Variants in PDSS2 observed in about 807,000 individuals in gnomAD.
PDSS2 encodes decaprenyl diphosphate synthase subunit 2.
In PDSS2, 31 loss-of-function variants were observed where a neutral mutation model predicts 44.5. The observed-to-expected ratio is 0.70, with a 90% CI of 0.52 to 0.94. The LOEUF (loss-of-function observed/expected upper bound fraction) is 0.94, where lower values mean the gene tolerates loss of function less well. Among genes scored for constraint, PDSS2 ranks in the 40% least tolerant of loss-of-function variants. The probability of loss-of-function intolerance (pLI) is 0.00; values close to 1 mark genes in which losing one functional copy is unlikely to be tolerated. For missense variants in PDSS2, 452 were observed against 482.2 expected, an observed-to-expected ratio of 0.94 and a Z score of 0.59; for synonymous variants, 157 against 180.3, an observed-to-expected ratio of 0.87 and a Z score of 1.03.
At chr6:107,390,993 C>T (rs1779761588) in intron 1 of PDSS2, among the ~76,000 whole-genome samples, 2 of 151,048 alleles carry the variant, frequency 1.3e-5, no homozygotes, top group Non-Finnish European at 2.9e-5. Context: ...ATTTCTAGCT[C>T]CATAAAATAC....
At chr6:107,455,841 G>A (rs1301301150) in intron 1 of PDSS2, among the ~76,000 whole-genome samples, 3 of 146,532 alleles carry the variant, frequency 2.0e-5, no homozygotes, top group African/African-American at 7.6e-5. Flanking sequence ...GAACTCAGAA[G>A]TTGTTTATGA....
intron 7 of PDSS2, chr6:107,192,496 G>A: frequency 2.6e-6 from 1 of 389,502 alleles, no homozygotes. Flanking sequence ...CAAGTTATTT[G>A]CTGCTCCTAG....
intron 1 of PDSS2, among the ~76,000 whole-genome samples, chr6:107,428,702 T>C (rs1174465802): frequency 6.6e-6 from 1 of 152,070 alleles, no homozygotes; most frequent in Non-Finnish European, 1.5e-5. Flanking sequence ...CTGGGTATAG[T>C]AGTGTACACC....
At chr6:107,346,809 G>T (rs1425430942) in intron 1 of PDSS2, among the ~76,000 whole-genome samples, 1 of 152,170 alleles carries the variant, frequency 6.6e-6, no homozygotes, top group African/African-American at 2.4e-5. Context: ...TAAAAACTGT[G>T]AAACATTTTA....
chr6:107,157,084 A>G (rs1328240548), intron 7 of PDSS2, among the ~76,000 whole-genome samples: 1 of 152,104 alleles, frequency 6.6e-6, no homozygotes, highest in Non-Finnish European at 1.5e-5. Flanking sequence ...AACCCTTCCA[A>G]TAGCCTTAAG....
chr6:107,380,787 A>G (rs1779431942), intron 1 of PDSS2, among the ~76,000 whole-genome samples: 1 of 152,180 alleles, frequency 6.6e-6, no homozygotes, highest in South Asian at 2.1e-4. Flanking sequence ...AAATCTATTA[A>G]GAGTTATTGA....
At chr6:107,255,599 C>CAAAAAA (rs547541454) in intron 3 of PDSS2, among the ~76,000 whole-genome samples, 1 of 78,744 alleles carries the variant, frequency 1.3e-5, no homozygotes. Flanking sequence ...AACTCCATCT[C>CAAAAAA]AAAAAAAAAA....
At chr6:107,391,958 T>C (rs1270862538) in intron 1 of PDSS2, among the ~76,000 whole-genome samples, 1 of 151,964 alleles carries the variant, frequency 6.6e-6, no homozygotes, top group Non-Finnish European at 1.5e-5. Context: ...TGAAAAACAA[T>C]CTAGACATCT....
At chr6:107,398,554 C>G (rs1780015541) in intron 1 of PDSS2, among the ~76,000 whole-genome samples, 1 of 152,106 alleles carries the variant, frequency 6.6e-6, no homozygotes, top group Admixed American at 6.6e-5. Context: ...GTCTTGAAAT[C>G]AAAAAGTTTG....
chr6:107,154,378 T>G lies in PDSS2; in HGVS notation c.*241A>C. 1 of 471,838 alleles carries G rather than the reference T, an allele frequency of 2.1e-6. No homozygotes were observed. The highest frequency in any genetic ancestry group is 3.9e-6 in the Non-Finnish European group (1 of 258,364). The allele number at this position is 471,838 out of a possible 1,614,324, so 29.2% of individuals were successfully genotyped here. A position where few individuals can be genotyped will look rare whatever the true frequency, so the allele number is the denominator to read the frequency against. ...ACAGGAGCGAATCTCATTAATTATTTCTGCGACTGCAGCCTCAAGTGTGCT... is the reference window on the plus strand; with the variant it reads ...ACAGGAGCGAATCTCATTAATTATTGCTGCGACTGCAGCCTCAAGTGTGCT... On this transcript the variant is annotated 3_prime_UTR_variant, in exon 8 of 8. Coordinates refer to ENST00000369037, the MANE Select transcript of PDSS2 (RefSeq NM_020381.4).
rs566742111 is a variant in PDSS2, at chr6:107,223,706, C to A, written c.703-11424G>T. Among the ~76,000 whole-genome samples the A allele has an allele frequency of 4.6e-5, 7 of 151,180 alleles. No individual in the cohort carries two copies. The South Asian group carries it at 1.5e-3, about 31-fold the overall frequency. ...TCTAGCTTGGGCAGCAGAGTAAAAC[C>A]CTGTCTCAGGGTTGTAGATTGTATT... On this transcript the variant is annotated intron_variant, in intron 4 of 7. Coordinates refer to ENST00000369037, the MANE Select transcript of PDSS2 (RefSeq NM_020381.4).
rs1166637352 is a variant in PDSS2 at position 107,429,901 on chromosome 6, A to AAAAAAATAT, written c.296+29088_296+29089insATATTTTTT. ...CTTAGTCTCAAAAAAAAAAAAAAAAAATATATATATATATATATATATATA... is the reference window on the plus strand; with the variant it reads ...CTTAGTCTCAAAAAAAAAAAAAAAAAAAAAAATATATATATATATATATATATATATATA... On this transcript the variant is annotated intron_variant, in intron 1 of 7. Coordinates refer to ENST00000369037, the MANE Select transcript of PDSS2 (RefSeq NM_020381.4). Among the ~76,000 whole-genome samples, 75 of 31,778 alleles carry AAAAAAATAT rather than the reference A, an allele frequency of 2.4e-3. 1 individual carries two copies. The highest frequency in any genetic ancestry group is 5.2e-3 in the South Asian group (2 of 388). The allele number at this position is 31,778 out of a possible 152,430, so 20.8% of individuals were successfully genotyped here. A position where few individuals can be genotyped will look rare whatever the true frequency, so the allele number is the denominator to read the frequency against.
chr6:107,235,190 T>A (rs909697840), intron 4 of PDSS2, among the ~76,000 whole-genome samples: 1 of 152,178 alleles, frequency 6.6e-6, no homozygotes, highest in Non-Finnish European at 1.5e-5. Context: ...AATTAGGGGC[T>A]AGGGTTCATA....
At chr6:107,382,783 G>A (rs974408683) in intron 1 of PDSS2, among the ~76,000 whole-genome samples, 3 of 152,028 alleles carry the variant, frequency 2.0e-5, no homozygotes, top group Admixed American at 6.5e-5. Context: ...GCTACAGTGA[G>A]CCATGATTGT....
At chr6:107,189,222 A>G (rs34934399) in intron 7 of PDSS2, among the ~76,000 whole-genome samples, 58,416 of 151,682 alleles carry the variant, frequency 0.39, 13,807 homozygotes, top group African/African-American at 0.68. Flanking sequence ...TAATTTTTGT[A>G]TTTTTTTTAG....
rs577124394 is a variant in PDSS2 at position 107,458,995 on chromosome 6, T to G, written c.291A>C (p.Thr97=). Residue 97 remains threonine (T), a synonymous_variant, in exon 1 of 8, where the codon ACA becomes ACC. Transcript: ENST00000369037. ...GCGGGAGAGGGGTAGCTCACCTGGC[T>G]GTGGTAAGCAGAGGGTGCTGAGTGC... ...LVGTQHPLLT[T]ARGLVHDSWN... is the part of the protein sequence containing the mutation. 2 of 1,613,926 alleles carry G rather than the reference T, an allele frequency of 1.2e-6. No homozygotes were observed. The highest frequency in any genetic ancestry group is 1.3e-5 in the African/African-American group (1 of 75,048).
At chr6:107,443,167 A>G (rs191871969) in intron 1 of PDSS2, among the ~76,000 whole-genome samples, 201 of 152,318 alleles carry the variant, frequency 1.3e-3, no homozygotes, top group African/African-American at 4.4e-3. Flanking sequence ...GAAGAAATGA[A>G]TAAACCATAG....
At chr6:107,423,311 G>C (rs1479545219) in intron 1 of PDSS2, among the ~76,000 whole-genome samples, 3 of 152,040 alleles carry the variant, frequency 2.0e-5, no homozygotes, top group Admixed American at 6.6e-5. Flanking sequence ...AAAATGACAA[G>C]AATGATAATA....
At position 107,420,173 on chromosome 6, in the gene PDSS2, A is replaced by T. The variant is rs1247938650; in HGVS notation, c.296+38817T>A. ...GGAAAATAATTTTAAATGATGTTAT[A>T]TCTTTAGGAATCACTTCCTATTCCA... On this transcript the variant is annotated intron_variant, in intron 1 of 7. Coordinates refer to ENST00000369037, the MANE Select transcript of PDSS2 (RefSeq NM_020381.4). Among the ~76,000 whole-genome samples the T allele has an allele frequency of 2.6e-5, 4 of 152,252 alleles. No homozygotes were observed. The East Asian group carries it at 7.7e-4, about 29-fold the overall frequency.
Sources: allele counts gnomAD v4.1 joint callset (sites outside exome capture counted in the v4.1 genomes callset), GRCh38; gene constraint gnomAD v4.1.1; transcripts MANE v1.5; gene names NCBI Gene and HGNC (gene_info 2026-07-23, HGNC 2026-07-21).